Variants in TULP4 observed in about 807,000 individuals in gnomAD.
The protein encoded by TULP4 is TUB like protein 4, also known as tubby-related protein 4.
TULP4 carries 16 observed loss-of-function variants against 129.0 expected under a neutral mutation model. The observed-to-expected ratio is 0.12, with a 90% confidence interval of 0.08 to 0.19. The LOEUF (loss-of-function observed/expected upper bound fraction) is 0.19. Among genes scored for constraint, TULP4 ranks in the 10% least tolerant of loss-of-function variants. The pLI is 1.00. For missense variants in TULP4, 1,842 were observed against 2,059.1 expected, an observed-to-expected ratio of 0.89 and a Z score of 2.04; for synonymous variants, 998 against 854.0, an observed-to-expected ratio of 1.17 and a Z score of -2.94.
chr6:158,503,297 G>A lies in TULP4; in HGVS notation c.3634G>A (p.Ala1212Thr), dbSNP rs755725430. Reference sequence around the variant, plus strand: ...GCAGGCTCCCTGCTCTCCCAAAGATGCCCTGTCCCCAACGCAGTTTGCACA... The same window carrying A: ...GCAGGCTCCCTGCTCTCCCAAAGATACCCTGTCCCCAACGCAGTTTGCACA... ...GVQAPCSPKD[A>T]LSPTQFAQQE... Residue 1212 changes from alanine (A) to threonine (T), a missense_variant, in exon 13 of 14, where the codon GCC becomes ACC. By Grantham distance (58) the Ala-to-Thr change is moderately conservative. Around this residue, in one of 5 missense-constraint regions of TULP4, gnomAD observed 1,089 missense variants for 987.1 expected, o/e 1.10. Transcript: ENST00000367097. This position sits in a 1 kb window ranked among gnomAD's most constrained non-coding sequence, Gnocchi z 4.3. The A allele has an allele frequency of 2.1e-5, 34 of 1,613,772 alleles. No homozygotes were observed. Among genetic ancestry groups the A allele is most frequent in the Middle Eastern group, 3.3e-4 (2 of 6,084 alleles).
At position 158,502,687 on chromosome 6, in the gene TULP4, C is replaced by T; in HGVS notation, c.3024C>T (p.Pro1008=). The T allele has an allele frequency of 6.4e-7, 1 of 1,556,652 alleles. No homozygotes were observed. The highest frequency in any genetic ancestry group is 8.6e-7 in the Non-Finnish European group (1 of 1,156,584). Reference sequence around the variant, plus strand: ...AGCTGGCCGACAGCCCGCGGGCCCCCCTGCAGCCCCTGGCCAAGTCCAAGG... The same window carrying T: ...AGCTGGCCGACAGCCCGCGGGCCCCTCTGCAGCCCCTGGCCAAGTCCAAGG... The part of the protein sequence containing the change: ...MAQLADSPRA[P]LQPLAKSKGG... Residue 1008 remains proline, a synonymous_variant, in exon 13 of 14, where the codon CCC becomes CCT. Coordinates refer to ENST00000367097, the MANE Select transcript of TULP4 (RefSeq NM_020245.5).
chr6:158,278,765 C>G (rs1778689030), upstream of TULP4, among the ~76,000 whole-genome samples: 1 of 151,994 alleles, frequency 6.6e-6, no homozygotes, highest in Non-Finnish European at 1.5e-5. Flanking sequence ...TCTTATTGAA[C>G]AAATACTTTT....
chr6:158,403,677 C>T (rs186130680), intron 1 of TULP4, among the ~76,000 whole-genome samples: 11 of 152,340 alleles, frequency 7.2e-5, no homozygotes, highest in South Asian at 4.1e-4. Context: ...ATAATTACTA[C>T]GCTATGGAAA....
rs34867450 is a variant in TULP4, at chr6:158,320,432, A to ATT, written c.252+6181_252+6182dup. ...TTGTACTGATTGTCATTTAACAGGAATTTTTTTTTTTTTTTTTTACACAGA... is the reference window on the plus strand; with the variant it reads ...TTGTACTGATTGTCATTTAACAGGAATTTTTTTTTTTTTTTTTTTTACACAGA... On this transcript the variant is annotated intron_variant, in intron 1 of 13. Transcript: ENST00000367097. 3.7e-3 allele frequency among the ~76,000 whole-genome samples: 526 copies of ATT among 142,340 alleles called. 4 individuals carry two copies. The highest frequency in any genetic ancestry group is 0.013 in the African/African-American group (497 of 38,412). 93.4% of individuals were successfully genotyped at this position (142,340 alleles called of 152,430 possible). A position where few individuals can be genotyped will look rare whatever the true frequency, so the allele number is the denominator to read the frequency against.
rs745666797 is a variant in TULP4, at chr6:158,502,800, G to A, written c.3137G>A (p.Ser1046Asn). The change falls in exon 13 of 14, where the codon AGC (serine) becomes AAC (asparagine). Residue 1046 changes from serine (S) to asparagine (N), a missense_variant. Physicochemically the swap from Ser to Asn is conservative, Grantham distance 46 (BLOSUM62 1). Transcript: ENST00000367097. Reference sequence around the variant, plus strand: ...AGTCAGTGCAGTGGCACAGGGCCCAGCTCACAGCCCGGAGCCTCCCTGGCC... The same window carrying A: ...AGTCAGTGCAGTGGCACAGGGCCCAACTCACAGCCCGGAGCCTCCCTGGCC... ...TCSQCSGTGP[S>N]SQPGASLAHT... 3.7e-6 allele frequency: 6 copies of A among 1,610,928 alleles called. No homozygotes were observed. The highest frequency in any genetic ancestry group is 5.1e-6 in the Non-Finnish European group (6 of 1,179,716).
chr6:158,433,004 T>C (rs984481357), intron 3 of TULP4, among the ~76,000 whole-genome samples: 4 of 152,258 alleles, frequency 2.6e-5, no homozygotes, highest in Non-Finnish European at 5.9e-5. Context: ...ATCTGGTATC[T>C]AGGCTACCTT....
chr6:158,489,958 C>CT (rs1404256305), intron 9 of TULP4, among the ~76,000 whole-genome samples: 1 of 152,222 alleles, frequency 6.6e-6, no homozygotes, highest in African/African-American at 2.4e-5. Flanking sequence ...ACCCTCAGAA[C>CT]TTCTCTAGGG....
chr6:158,348,811 GCGC>G (rs1780385165), intron 1 of TULP4, among the ~76,000 whole-genome samples: 1 of 144,742 alleles, frequency 6.9e-6, no homozygotes, highest in Admixed American at 6.9e-5. Flanking sequence ...CCGGGCAGAG[GCGC>G]TCCTCACCTC....
At chr6:158,241,231 C>T (rs1417340589) in intron 1 of TULP4, among the ~76,000 whole-genome samples, 4 of 126,426 alleles carry the variant, frequency 3.2e-5, no homozygotes, top group Non-Finnish European at 7.1e-5. Flanking sequence ...GATGGGATGG[C>T]GGCCGGGCGG....
intron 3 of TULP4, among the ~76,000 whole-genome samples, chr6:158,438,655 G>T (rs922916083): frequency 1.3e-5 from 2 of 152,092 alleles, no homozygotes; most frequent in Non-Finnish European, 2.9e-5. Flanking sequence ...CGTGATCTCA[G>T]CTCACTGCAA....
chr6:158,502,120 C>T lies in TULP4; in HGVS notation c.2457C>T (p.Val819=). 1.9e-6 allele frequency: 3 copies of T among 1,608,156 alleles called. No homozygotes were observed. Among genetic ancestry groups the T allele is most frequent in the Non-Finnish European group, 2.5e-6 (3 of 1,177,086 alleles). ...PQLAAEGDAV[V]FSAPQEVQVT... ...TGGCAGCTGAGGGGGACGCAGTGGTCTTTAGTGCCCCCCAGGAGGTCCAGG... is the reference window on the plus strand; with the variant it reads ...TGGCAGCTGAGGGGGACGCAGTGGTTTTTAGTGCCCCCCAGGAGGTCCAGG... The change falls in exon 13 of 14, where the codon GTC becomes GTT. Residue 819 remains valine (V), a synonymous_variant. Coordinates refer to ENST00000367097, the MANE Select transcript of TULP4 (RefSeq NM_020245.5).
intron 1 of TULP4, among the ~76,000 whole-genome samples, chr6:158,284,699 G>T (rs1434443035): frequency 6.6e-6 from 1 of 152,218 alleles, no homozygotes; most frequent in Admixed American, 6.5e-5. Context: ...CATTTGGCCT[G>T]CAGCCCTGCC....
chr6:158,441,224 G>T (rs1301498516), intron 3 of TULP4, among the ~76,000 whole-genome samples: 1 of 152,048 alleles, frequency 6.6e-6, no homozygotes, highest in Non-Finnish European at 1.5e-5. Flanking sequence ...TGAGGTAGGA[G>T]AATTGCTTGA....
Position 158,313,221 on chromosome 6 carries a change from G to T in TULP4, c.-796G>T. The T allele has an allele frequency of 2.9e-6, 1 of 340,488 alleles. No individual in the cohort carries two copies. The highest frequency in any genetic ancestry group is 4.4e-5 in the East Asian group (1 of 22,834). 21.1% of individuals were successfully genotyped at this position (340,488 alleles called of 1,614,324 possible). A position where few individuals can be genotyped will look rare whatever the true frequency, so the allele number is the denominator to read the frequency against. ...CTTTCTAGCCTCTATGGCACTGAGG[G>T]GTGCGCCGGCTGGTGGAGGAGCAGT... On this transcript the variant is annotated 5_prime_UTR_variant, in exon 1 of 14. Transcript: ENST00000367097.
At chr6:158,236,795 C>CTTTTTCTTTTTTTTTTTT (rs1777713125) in intron 1 of TULP4, among the ~76,000 whole-genome samples, 1 of 63,292 alleles carries the variant, frequency 1.6e-5, no homozygotes, top group Non-Finnish European at 3.1e-5. Flanking sequence ...CAATTCTTTT[C>CTTTTTCTTTTTTTTTTTT]TTTTTTTTTT....
intron 8 of TULP4, 120 bp from the exon 9 acceptor site, chr6:158,489,468 C>T (rs1241171436): frequency 3.2e-6 from 4 of 1,261,342 alleles, no homozygotes; most frequent in Non-Finnish European, 4.4e-6. Flanking sequence ...TTGGTTTCAA[C>T]CTCTAGGTCT....
At chr6:158,391,097 G>A (rs928409060) in intron 1 of TULP4, among the ~76,000 whole-genome samples, 14 of 151,996 alleles carry the variant, frequency 9.2e-5, no homozygotes, top group Non-Finnish European at 1.6e-4. Context: ...ATAATAAGAT[G>A]AAAATGAAGA....
In TULP4 at chr6:158,484,803, C is replaced by A. The variant is rs562375206; in HGVS notation, c.1486+3514C>A. Among the ~76,000 whole-genome samples, 26 of 152,388 alleles carry A rather than the reference C, an allele frequency of 1.7e-4. 1 individual carries two copies. The South Asian group carries it at 5.2e-3, about 30-fold the overall frequency. On this transcript the variant is annotated intron_variant, in intron 8 of 13. Transcript: ENST00000367097. ...ATAATCGAATGGACCAGTTATTTAG[C>A]GCGTGCGCCTGTGTGTGTGCACGCA...
At chr6:158,234,067 T>A (rs879703283) in intron 1 of TULP4, among the ~76,000 whole-genome samples, 6 of 152,242 alleles carry the variant, frequency 3.9e-5, no homozygotes, top group Non-Finnish European at 8.8e-5. Context: ...CATGATTGCT[T>A]CCTGTGGTTG....
Sources: allele counts gnomAD v4.1 joint callset (sites outside exome capture counted in the v4.1 genomes callset), GRCh38; gene constraint gnomAD v4.1.1; regional missense constraint gnomAD v4.1.1; non-coding constraint Gnocchi (gnomAD v3.1); transcripts MANE v1.5; gene names NCBI Gene and HGNC (gene_info 2026-07-23, HGNC 2026-07-21).